BSN: variants seen among roughly 807,000 people sequenced by gnomAD.
The protein encoded by BSN is bassoon presynaptic cytomatrix protein, also known as protein bassoon.
Under a neutral mutation model 264.8 loss-of-function variants are expected in BSN, and 57 were observed. The observed-to-expected ratio is 0.22, with a 90% CI of 0.17 to 0.27. The LOEUF is 0.27. Among genes scored for constraint, BSN ranks in the 10% least tolerant of loss-of-function variants. The probability of loss-of-function intolerance (pLI) is 1.00; values close to 1 mark genes in which losing one functional copy is unlikely to be tolerated. For missense variants in BSN, 4,615 were observed against 5,232.5 expected (o/e 0.88, Z 3.64); for synonymous variants, 2,059 against 2,137.3 (o/e 0.96, Z 1.01).
rs2052746974 is a variant in BSN at position 49,670,455 on chromosome 3, C to A, written c.*2970C>A. 1 of 152,388 alleles carries A rather than the reference C, an allele frequency of 6.6e-6. No individual in the cohort carries two copies. Among genetic ancestry groups the A allele is most frequent in the Admixed American group, 6.5e-5 (1 of 15,290 alleles). The allele number at this position is 152,388 out of a possible 1,614,324, so 9.4% of individuals were successfully genotyped here. ...AATTCTGACATCTGCCACTCCTCAT[C>A]CCCCACTGTACCCACAGGATACATC... On this transcript the variant is annotated 3_prime_UTR_variant, in exon 12 of 12. Transcript: ENST00000296452.
chr3:49,660,942 G>A lies in BSN; in HGVS notation c.9097G>A (p.Val3033Met). 7 of 1,612,010 alleles carry A rather than the reference G, an allele frequency of 4.3e-6. No homozygotes were observed. Among genetic ancestry groups the A allele is most frequent in the Non-Finnish European group, 5.9e-6 (7 of 1,179,992 alleles). The change falls in exon 6 of 12, where the codon GTG becomes ATG. Residue 3033 changes from valine (V) to methionine (M), a missense_variant. Physicochemically the swap from Val to Met is conservative, Grantham distance 21 (BLOSUM62 1). Transcript: ENST00000296452. This position sits in a 1 kb window ranked among gnomAD's most constrained non-coding sequence, Gnocchi z 7.1. The stretch of plus-strand genomic sequence containing the variant: ...CTGCACCACTCCCGCTGGCCAGTTT[G>A]TGGACTTCCCTGCCACTGCCGCTGC... Reference protein sequence around the residue: ...QGCTTPAGQFVDFPATAAAPA... With the variant: ...QGCTTPAGQFMDFPATAAAPA...
In BSN at chr3:49,663,489, GAC is replaced by G; in HGVS notation, c.11335_11336del (p.Gln3779AlafsTer67). 6.2e-7 allele frequency: 1 copy of G among 1,613,212 alleles called. No homozygotes were observed. Among genetic ancestry groups the G allele is most frequent in the Non-Finnish European group, 8.5e-7 (1 of 1,179,996 alleles). Reference protein sequence around the residue: ...PSGAASRQPQTQQQQQGLGLQ... With the variant: ...PSGAASRQPQXQQQQQGLGLQ... The stretch of plus-strand genomic sequence containing the variant: ...CTGGGGCAGCATCACGCCAGCCACA[GAC>G]ACAGCAGCAGCAGCAAGGTCTTGGG... On this transcript the variant is annotated frameshift_variant, in exon 7 of 12. Coordinates refer to ENST00000296452, the MANE Select transcript of BSN (RefSeq NM_003458.4). LOFTEE classifies it high-confidence loss of function.
chr3:49,664,760 CCAA>C (rs766033300), intron 9 of BSN, 36 bp from the exon 10 acceptor site: 1 of 1,612,630 alleles, frequency 6.2e-7, no homozygotes, highest in Non-Finnish European at 8.5e-7. Flanking sequence ...GGGGTCTGGC[CCAA>C]TTTCCTGATG....
chr3:49,639,870 C>T (rs953206804), intron 2 of BSN, among the ~76,000 whole-genome samples: 1 of 152,262 alleles, frequency 6.6e-6, no homozygotes, highest in African/African-American at 2.4e-5. Context: ...TGTGAACATG[C>T]CCTATGTGGT....
At chr3:49,664,348 C>T (rs982473874) in intron 8 of BSN, 75 bp from the exon 9 acceptor site, 36 of 1,591,426 alleles carry the variant, frequency 2.3e-5, no homozygotes, top group African/African-American at 6.7e-5. Context: ...CAGATTCTCT[C>T]GTGGGTACTT....
chr3:49,599,072 G>A (rs935538859), intron 1 of BSN, among the ~76,000 whole-genome samples: 1 of 152,172 alleles, frequency 6.6e-6, no homozygotes, highest in East Asian at 1.9e-4. Context: ...AGGCAGCTAA[G>A]GATGTGTGTA....
At chr3:49,595,922 TA>T (rs1559600643) in intron 1 of BSN, among the ~76,000 whole-genome samples, 1 of 152,112 alleles carries the variant, frequency 6.6e-6, no homozygotes, top group South Asian at 2.1e-4. Context: ...GTTTAAATAT[TA>T]AAAAAAAGAA....
intron 1 of BSN, among the ~76,000 whole-genome samples, chr3:49,580,439 C>T (rs553351847): frequency 6.6e-6 from 1 of 152,158 alleles, no homozygotes; most frequent in African/African-American, 2.4e-5. Flanking sequence ...TTACGTATTA[C>T]ATTATAAATT....
chr3:49,587,416 G>T (rs1049409318), intron 1 of BSN, among the ~76,000 whole-genome samples: 2 of 152,118 alleles, frequency 1.3e-5, no homozygotes, highest in African/African-American at 4.8e-5. Context: ...TCTCTTGTCT[G>T]ATTGGACTTA....
Position 49,653,150 on chromosome 3 carries a change from C to T in BSN, c.3594C>T (p.Leu1198=), listed in dbSNP as rs761056776. ...YEEMMRKAEL[L]QRQQGQAAGA... ...AGATGATGCGCAAAGCTGAGCTGCT[C>T]CAGAGGCAGCAAGGCCAGGCAGCAG... Residue 1198 remains leucine, a synonymous_variant, in exon 5 of 12, where the codon CTC becomes CTT. Transcript: ENST00000296452. This position sits in a 1 kb window ranked among gnomAD's most constrained non-coding sequence, Gnocchi z 6.3. 1.9e-6 allele frequency: 3 copies of T among 1,612,892 alleles called. No individual in the cohort carries two copies. The highest frequency in any genetic ancestry group is 2.5e-6 in the Non-Finnish European group (3 of 1,179,826).
At position 49,652,976 on chromosome 3, in the gene BSN, T is replaced by C; in HGVS notation, c.3420T>C (p.Asp1140=). The C allele has an allele frequency of 6.2e-7, 1 of 1,613,038 alleles. No homozygotes were observed. The highest frequency in any genetic ancestry group is 1.7e-4 in the Middle Eastern group (1 of 6,058). ...PSLDSEAEAL[D]GGPSRLYKSG... ...TTGACTCTGAGGCTGAGGCCTTGGA[T>C]GGTGGCCCTAGCCGGCTTTACAAGT... The change falls in exon 5 of 12, where the codon GAT becomes GAC. Residue 1140 remains aspartate (D), a synonymous_variant. Transcript: ENST00000296452.
chr3:49,568,559 G>T (rs1183990675), intron 1 of BSN, among the ~76,000 whole-genome samples: 3 of 152,150 alleles, frequency 2.0e-5, no homozygotes, highest in African/African-American at 7.2e-5. Context: ...AAAGGTAGCA[G>T]ACTCTAAGTA....
In BSN at chr3:49,642,351, G is replaced by A. The variant is rs1276398630; in HGVS notation, c.717G>A (p.Gln239=). The change falls in exon 3 of 12, where the codon CAG becomes CAA. Residue 239 remains glutamine (Q), a synonymous_variant. Transcript: ENST00000296452. The surrounding 1 kb of genome is among the most constrained non-coding windows in gnomAD (Gnocchi z 7.0). Reference sequence around the variant, plus strand: ...CCACTGCACCTCGCTCCAAGAGCCAGCAGCAGCTGCACTCCCCAGCCCTGT... The same window carrying A: ...CCACTGCACCTCGCTCCAAGAGCCAACAGCAGCTGCACTCCCCAGCCCTGT... The part of the protein sequence containing the change: ...DMTTAPRSKS[Q]QQLHSPALSP... 3 of 1,598,332 alleles carry A rather than the reference G, an allele frequency of 1.9e-6. No homozygotes were observed. The highest frequency in any genetic ancestry group is 2.3e-5 in the South Asian group (2 of 88,580).
chr3:49,587,181 A>G (rs916020574), intron 1 of BSN, among the ~76,000 whole-genome samples: 3 of 152,098 alleles, frequency 2.0e-5, no homozygotes, highest in African/African-American at 7.2e-5. Context: ...TGTAAATGTG[A>G]TTACTTTTTA....
At chr3:49,571,468 G>A (rs1330545364) in intron 1 of BSN, among the ~76,000 whole-genome samples, 1 of 152,128 alleles carries the variant, frequency 6.6e-6, no homozygotes, top group East Asian at 1.9e-4. Context: ...TGGGGTTGGG[G>A]AGACGGGGGT....
intron 1 of BSN, among the ~76,000 whole-genome samples, chr3:49,604,623 C>T (rs1178950264): frequency 6.6e-6 from 1 of 152,146 alleles, no homozygotes; most frequent in African/African-American, 2.4e-5. Context: ...TATCAGTGGA[C>T]ATGGTTGCTT....
intron 1 of BSN, among the ~76,000 whole-genome samples, chr3:49,579,454 G>C (rs1011440942): frequency 6.6e-6 from 1 of 151,324 alleles, no homozygotes; most frequent in Non-Finnish European, 1.5e-5. Flanking sequence ...CCAGGCTGGA[G>C]TGCAGTGGCA....
intron 1 of BSN, among the ~76,000 whole-genome samples, chr3:49,587,442 G>A (rs2051945152): frequency 6.6e-6 from 1 of 152,248 alleles, no homozygotes; most frequent in South Asian, 2.1e-4. Flanking sequence ...TGTTGTTACT[G>A]GTGGAGGGTC....
chr3:49,636,240 G>T (rs1254722944), intron 2 of BSN, among the ~76,000 whole-genome samples: 1 of 152,194 alleles, frequency 6.6e-6, no homozygotes, highest in Non-Finnish European at 1.5e-5. Context: ...GGACTTGCAG[G>T]CCAGGATAAA....
Sources: allele counts gnomAD v4.1 joint callset (sites outside exome capture counted in the v4.1 genomes callset), GRCh38; gene constraint gnomAD v4.1.1; non-coding constraint Gnocchi (gnomAD v3.1); transcripts MANE v1.5; gene names NCBI Gene and HGNC (gene_info 2026-07-23, HGNC 2026-07-21).